Variants in FAM185A observed in about 807,000 individuals in gnomAD.
FAM185A encodes protein FAM185A.
In FAM185A, 21 loss-of-function variants were observed where a neutral mutation model predicts 45.7. The observed-to-expected ratio is 0.46, with a 90% CI of 0.33 to 0.66. The LOEUF is 0.66. FAM185A is among the 30% of genes least tolerant of loss of function. The pLI is 0.03. For synonymous variants in FAM185A, 117 were observed against 194.0 expected, an observed-to-expected ratio of 0.60 and a Z score of 3.30; for missense variants, 305 against 485.4, an observed-to-expected ratio of 0.63 and a Z score of 3.49.
At chr7:102,801,883 T>C (rs904281180) in intron 7 of FAM185A, among the ~76,000 whole-genome samples, 3 of 150,872 alleles carry the variant, frequency 2.0e-5, no homozygotes, top group Non-Finnish European at 2.9e-5. Flanking sequence ...GATCACGCCA[T>C]TGCACTCCAG....
chr7:102,752,577 AT>A (rs59425139), intron 2 of FAM185A, among the ~76,000 whole-genome samples: 4,168 of 140,060 alleles, frequency 0.03, 153 homozygotes, highest in African/African-American at 0.092. Flanking sequence ...GCTGTAATTA[AT>A]TTTTTTTTTT....
chr7:102,787,917 T>A (rs1159689830), intron 7 of FAM185A, among the ~76,000 whole-genome samples: 4 of 152,234 alleles, frequency 2.6e-5, no homozygotes, highest in African/African-American at 7.2e-5. Flanking sequence ...TTTCATTATA[T>A]CTGGCTACAC....
chr7:102,778,358 C>G (rs1246200748), intron 6 of FAM185A, among the ~76,000 whole-genome samples: 1 of 152,270 alleles, frequency 6.6e-6, no homozygotes, highest in Non-Finnish European at 1.5e-5. Flanking sequence ...TCAGGTAATA[C>G]TCTTCAGGGA....
chr7:102,778,854 G>A (rs1463329167), intron 6 of FAM185A, among the ~76,000 whole-genome samples: 3 of 152,098 alleles, frequency 2.0e-5, no homozygotes, highest in Non-Finnish European at 2.9e-5. Context: ...TTTCTTAATC[G>A]TTCGCAAAGA....
chr7:102,788,975 G>T (rs1419510227), intron 7 of FAM185A, among the ~76,000 whole-genome samples: 1 of 152,206 alleles, frequency 6.6e-6, no homozygotes, highest in Admixed American at 6.5e-5. Flanking sequence ...ACTGGTAGTT[G>T]CTCTGAGTGA....
the FAM185A span, among the ~76,000 whole-genome samples, chr7:102,847,184 C>T: frequency 6.6e-6 from 1 of 151,678 alleles, no homozygotes; most frequent in African/African-American, 2.4e-5. Context: ...ACAGAAACTA[C>T]CTGACCCTTC....
chr7:102,829,742 T>C, the FAM185A span, among the ~76,000 whole-genome samples: 1 of 152,144 alleles, frequency 6.6e-6, no homozygotes, highest in Non-Finnish European at 1.5e-5. Context: ...AGCCGGCCTT[T>C]CTGGGGATAG....
chr7:102,806,501 A>C (rs1797120763), intron 7 of FAM185A, among the ~76,000 whole-genome samples: 1 of 152,106 alleles, frequency 6.6e-6, no homozygotes, highest in African/African-American at 2.4e-5. Flanking sequence ...TTGCTTTTTA[A>C]GGCTACTTAG....
chr7:102,766,886 C>T (rs1794440850), intron 4 of FAM185A, among the ~76,000 whole-genome samples: 1 of 151,988 alleles, frequency 6.6e-6, no homozygotes. Flanking sequence ...ACCTCCACTA[C>T]CCAGGTTCAA....
intron 7 of FAM185A, among the ~76,000 whole-genome samples, chr7:102,806,824 G>A (rs537796267): frequency 4.6e-5 from 7 of 152,144 alleles, no homozygotes; most frequent in South Asian, 2.1e-4. Flanking sequence ...GGGAGAGGTC[G>A]CACAGGCAGA....
chr7:102,846,262 A>G, the FAM185A span, among the ~76,000 whole-genome samples: 1 of 152,218 alleles, frequency 6.6e-6, no homozygotes, highest in African/African-American at 2.4e-5. Context: ...CTCTACATGG[A>G]AAGTCTAATC....
chr7:102,776,705 A>AAAAAG (rs1795088416), intron 5 of FAM185A, among the ~76,000 whole-genome samples: 1 of 120,850 alleles, frequency 8.3e-6, no homozygotes, highest in East Asian at 2.4e-4. Flanking sequence ...CTGTCTCTAA[A>AAAAAG]AAAAAAAAAA....
intron 1 of FAM185A, among the ~76,000 whole-genome samples, chr7:102,750,474 T>C (rs748665618): frequency 3.3e-5 from 5 of 152,252 alleles, no homozygotes; most frequent in Non-Finnish European, 5.9e-5. Context: ...CTCAGTTTGT[T>C]ACCTGCCTCA....
chr7:102,755,955 T>C lies in FAM185A; in HGVS notation c.562-1899T>C, dbSNP rs1421266552. The C allele has an allele frequency of 5.7e-6, 3 of 528,854 alleles. No homozygotes were observed. The African/African-American group carries it at 5.7e-5, about 10-fold the overall frequency. 32.8% of individuals were successfully genotyped at this position (528,854 alleles called of 1,614,324 possible). A position where few individuals can be genotyped will look rare whatever the true frequency, so the allele number is the denominator to read the frequency against. On this transcript the variant is annotated intron_variant, in intron 2 of 7. Transcript: ENST00000413034. ...ACTGGGTTAAATGTACACTGTTGTG[T>C]TTTCTGTACATAAAAATAATTAAAA...
chr7:102,793,765 A>T (rs1343644570), intron 7 of FAM185A, among the ~76,000 whole-genome samples: 1 of 151,644 alleles, frequency 6.6e-6, no homozygotes, highest in African/African-American at 2.4e-5. Context: ...CCGGCCGGGC[A>T]CGGTCGCTCA....
chr7:102,768,815 C>G (rs1014224166), intron 4 of FAM185A, among the ~76,000 whole-genome samples: 1 of 151,950 alleles, frequency 6.6e-6, no homozygotes, highest in African/African-American at 2.4e-5. Flanking sequence ...GGTAAGCACA[C>G]ATAGTTATTA....
intron 2 of FAM185A, chr7:102,755,472 G>C (rs1793654630): frequency 5.8e-6 from 4 of 692,860 alleles, no homozygotes. Flanking sequence ...CAAAGCAAGA[G>C]AAGAAGCGGA....
the FAM185A span, among the ~76,000 whole-genome samples, chr7:102,826,724 CATATA>C: frequency 1.4e-4 from 9 of 62,732 alleles, no homozygotes; most frequent in African/African-American, 3.7e-4. Context: ...GACCCTGTCT[CATATA>C]TATATATATA....
chr7:102,842,429 T>C, the FAM185A span, among the ~76,000 whole-genome samples: 1 of 152,214 alleles, frequency 6.6e-6, no homozygotes, highest in African/African-American at 2.4e-5. Context: ...AGTCAGTATG[T>C]GTCAAAGGCT....
Sources: gnomAD v4.1 joint callset for allele counts (sites outside exome capture counted in the v4.1 genomes callset) on GRCh38, gnomAD v4.1.1 for gene constraint, MANE v1.5 for transcripts, NCBI Gene and HGNC (gene_info 2026-07-23, HGNC 2026-07-21) for gene names.